CYP4A11: variants seen among roughly 807,000 people sequenced by gnomAD.
CYP4A11 encodes the protein cytochrome P450 4A11.
A neutral mutation model predicts 57.7 loss-of-function variants in CYP4A11; 52 were observed. The ratio of observed to expected loss-of-function variants is 0.90; its 90% CI spans 0.72 to 1.14. CYP4A11 has a LOEUF of 1.14. CYP4A11 is among the 50% of genes most tolerant of loss of function. CYP4A11 has a pLI of 0.00. For missense variants in CYP4A11, 641 were observed against 642.1 expected, an observed-to-expected ratio of 1.00 and a Z score of 0.02; for synonymous variants, 228 against 247.1, an observed-to-expected ratio of 0.92 and a Z score of 0.72.
intron 11 of CYP4A11, among the ~76,000 whole-genome samples, chr1:46,930,603 G>A (rs918011491): frequency 5.9e-5 from 9 of 152,198 alleles, no homozygotes; most frequent in Non-Finnish European, 1.2e-4. Flanking sequence ...AAGGCACAGA[G>A]TCTAATCACA....
At chr1:46,940,526 G>A (rs1395415343) in intron 1 of CYP4A11, among the ~76,000 whole-genome samples, 1 of 152,106 alleles carries the variant, frequency 6.6e-6, no homozygotes, top group Non-Finnish European at 1.5e-5. Context: ...AGAGCCAGGA[G>A]GTCAACACAC....
Position 46,938,038 on chromosome 1 carries a change from G to T in CYP4A11, c.295C>A (p.Leu99Ile). 2 of 1,614,184 alleles carry T rather than the reference G, an allele frequency of 1.2e-6. No homozygotes were observed. Among genetic ancestry groups the T allele is most frequent in the Non-Finnish European group, 1.7e-6 (2 of 1,180,036 alleles). The change falls in exon 2 of 12, where the codon CTC (leucine) becomes ATC (isoleucine). Residue 99 changes from leucine (L) to isoleucine (I), a missense_variant. Transcript: ENST00000310638. Reference sequence around the variant, plus strand: ...ACCTTCATATAGTCAGGGTCATAGAGCTGGACACGAACTTTGCCTCCCCAT... The same window carrying T: ...ACCTTCATATAGTCAGGGTCATAGATCTGGACACGAACTTTGCCTCCCCAT... ...WLWGGKVRVQ[L>I]YDPDYMKVIL...
intron 3 of CYP4A11, 67 bp downstream of exon 3, chr1:46,937,235 C>T: frequency 1.3e-6 from 2 of 1,565,820 alleles, no homozygotes; most frequent in Non-Finnish European, 1.8e-6. Flanking sequence ...CTGTTGTTCT[C>T]TGTGAGCCAA....
At chr1:46,933,878 A>G (rs1352534864) in intron 9 of CYP4A11, 68 bp downstream of exon 9, 2 of 1,593,430 alleles carry the variant, frequency 1.3e-6, no homozygotes, top group African/African-American at 1.3e-5. Flanking sequence ...TCTGATGCAC[A>G]CATGGATTTC....
rs1570069139 is a variant in CYP4A11, at chr1:46,933,797, T to A, written c.1222+149A>T. ...AAGCTCTCAGCCAGACTTTTCAAAT[T>A]CTTTATCCCAAGTACAAAGTATGTT... On this transcript the variant is annotated intron_variant, in intron 9 of 11. Coordinates refer to ENST00000310638, the MANE Select transcript of CYP4A11 (RefSeq NM_000778.4). 34 of 1,337,674 alleles carry A rather than the reference T, an allele frequency of 2.5e-5. No homozygotes were observed. In the South Asian group the frequency reaches 4.8e-4, roughly 19 times the overall value. The allele number at this position is 1,337,674 out of a possible 1,614,324, so 82.9% of individuals were successfully genotyped here.
chr1:46,932,912 C>G (rs1010198223), intron 10 of CYP4A11, 71 bp downstream of exon 10: 5 of 1,613,916 alleles, frequency 3.1e-6, no homozygotes, highest in Non-Finnish European at 4.2e-6. Flanking sequence ...ACAGGACTCC[C>G]AGAGGTGGAA....
chr1:46,939,313 G>A (rs1478155871), intron 1 of CYP4A11, among the ~76,000 whole-genome samples: 1 of 152,202 alleles, frequency 6.6e-6, no homozygotes, highest in African/African-American at 2.4e-5. Flanking sequence ...TGTGCCCAGT[G>A]TGGCTCAGGC....
At position 46,937,363 on chromosome 1, in the gene CYP4A11, G is replaced by T; in HGVS notation, c.338-17C>A. ...ATTTCGGGTCTGAAAGGCAAGAAAG[G>T]GCTTTATAGGAAACTAGGAGTTACT... On this transcript the variant is annotated splice_polypyrimidine_tract_variant and intron_variant, in intron 2 of 11. Coordinates refer to ENST00000310638, the MANE Select transcript of CYP4A11 (RefSeq NM_000778.4). The T allele has an allele frequency of 1.2e-6, 2 of 1,613,608 alleles. No homozygotes were observed. The highest frequency in any genetic ancestry group is 1.7e-6 in the Non-Finnish European group (2 of 1,179,596).
rs755549184 is a variant in CYP4A11, at chr1:46,938,147, AG to A, written c.196-11del. On this transcript the variant is annotated splice_polypyrimidine_tract_variant and intron_variant, in intron 1 of 11. Coordinates refer to ENST00000310638, the MANE Select transcript of CYP4A11 (RefSeq NM_000778.4). ...CCTGGTCCTGTTGGAGCTGTCAACA[AG>A]GGTAGACAGATGAACACTTTCATTT... 2 of 1,614,188 alleles carry A rather than the reference AG, an allele frequency of 1.2e-6. No homozygotes were observed. The highest frequency in any genetic ancestry group is 2.2e-5 in the South Asian group (2 of 91,064).
At chr1:46,939,268 C>T (rs987180861) in intron 1 of CYP4A11, among the ~76,000 whole-genome samples, 1 of 152,226 alleles carries the variant, frequency 6.6e-6, no homozygotes. Flanking sequence ...GGGGTAGGCT[C>T]CTTCATTCAG....
Position 46,935,050 on chromosome 1 carries a change from G to A in CYP4A11, c.740C>T (p.Ser247Phe), listed in dbSNP as rs1335527950. ...HQNDTIYSLT[S>F]AGRWTHRACQ... ...GGCGCGGTGTGTCCAGCGGCCAGCA[G>A]AGGTCAGGCTGTAGATGGTGTCATT... The change falls in exon 6 of 12, where the codon TCT (serine) becomes TTT (phenylalanine). Residue 247 changes from serine to phenylalanine, a missense_variant. Physicochemically the swap from Ser to Phe is radical, Grantham distance 155. Transcript: ENST00000310638. The A allele has an allele frequency of 1.7e-5, 27 of 1,614,082 alleles. No homozygotes were observed. The highest frequency in any genetic ancestry group is 2.1e-5 in the Non-Finnish European group (25 of 1,180,040).
chr1:46,937,897 T>G (rs1434209573), intron 2 of CYP4A11, 99 bp downstream of exon 2: 1 of 1,550,306 alleles, frequency 6.5e-7, no homozygotes, highest in African/African-American at 1.4e-5. Flanking sequence ...TTTCAGATAT[T>G]GATGTTTGAA....
intron 9 of CYP4A11, 56 bp from the exon 10 acceptor site, chr1:46,933,103 G>C (rs2148454608): frequency 6.2e-7 from 1 of 1,602,068 alleles, no homozygotes; most frequent in Non-Finnish European, 8.5e-7. Flanking sequence ...GGGTGGCCTG[G>C]TACTTCAGCC....
At chr1:46,936,633 G>T (rs374730974) in intron 4 of CYP4A11, 31 bp downstream of exon 4, 179 of 1,560,150 alleles carry the variant, frequency 1.1e-4, no homozygotes, top group Non-Finnish European at 1.5e-4. Flanking sequence ...CTGTGAGTGG[G>T]TGTGGGGAGA....
Position 46,934,430 on chromosome 1 carries a change from A to G in CYP4A11, c.897+23T>C, listed in dbSNP as rs753429647. ...GCTATGTACTTCTGGGCAAAGACTC[A>G]GGCCTCTCCTACACATACTCACTTT... On this transcript the variant is annotated intron_variant, in intron 7 of 11. Transcript: ENST00000310638. 26 of 1,609,946 alleles carry G rather than the reference A, an allele frequency of 1.6e-5. No individual in the cohort carries two copies. The East Asian group carries it at 5.6e-4, about 35-fold the overall frequency.
At chr1:46,930,772 G>A (rs956917410) in intron 11 of CYP4A11, among the ~76,000 whole-genome samples, 1 of 152,076 alleles carries the variant, frequency 6.6e-6, no homozygotes, top group Non-Finnish European at 1.5e-5. Flanking sequence ...ATCCTCATAG[G>A]GGCCCCGATG....
chr1:46,934,322 C>A lies in CYP4A11; in HGVS notation c.942G>T (p.Glu314Asp), dbSNP rs368780307. Residue 314 changes from glutamate to aspartate, a missense_variant, in exon 8 of 12, where the codon GAG becomes GAT. Coordinates refer to ENST00000310638, the MANE Select transcript of CYP4A11 (RefSeq NM_000778.4). ...SILSDKDLRA[E>D]VDTFMFEGHD... ...GGCCCTCAAACATGAACGTGTCCAC[C>A]TCAGCACGGAGGTCCTTGTCTGACA... The A allele has an allele frequency of 4.4e-6, 7 of 1,605,518 alleles. No homozygotes were observed. The African/African-American group carries it at 9.5e-5, about 22-fold the overall frequency.
rs1364362602 is a variant in CYP4A11 at position 46,934,217 on chromosome 1, C to T, written c.1047G>A (p.Glu349=). The change falls in exon 8 of 12, where the codon GAG becomes GAA. Residue 349 remains glutamate (E), a synonymous_variant. Coordinates refer to ENST00000310638, the MANE Select transcript of CYP4A11 (RefSeq NM_000778.4). ...CATCACCCAGGAGGCTGTGGATCTC[C>T]TCCCGGCACCTCTCCTGATGCTTGG... The part of the protein sequence containing the change: ...THPKHQERCR[E]EIHSLLGDGA... 12 of 1,613,862 alleles carry T rather than the reference C, an allele frequency of 7.4e-6. No individual in the cohort carries two copies. Among genetic ancestry groups the T allele is most frequent in the Middle Eastern group, 1.7e-4 (1 of 6,056 alleles).
chr1:46,940,459 C>T (rs1368360059), intron 1 of CYP4A11, among the ~76,000 whole-genome samples: 1 of 152,156 alleles, frequency 6.6e-6, no homozygotes, highest in Admixed American at 6.5e-5. Context: ...TGCCGGGGCA[C>T]AGGAAGGGGA....
Sources: gnomAD v4.1 joint callset for allele counts (sites outside exome capture counted in the v4.1 genomes callset) on GRCh38, gnomAD v4.1.1 for gene constraint, MANE v1.5 for transcripts, NCBI Gene and HGNC (gene_info 2026-07-23, HGNC 2026-07-21) for gene names.